The following PGR variants were observed in gnomAD, a reference collection of about 807,000 sequenced individuals.
The protein encoded by PGR is nuclear receptor subfamily 3 group C member 3.
PGR carries 25 observed loss-of-function variants against 76.1 expected under a neutral mutation model. The observed-to-expected ratio is 0.33, with a 90% CI of 0.24 to 0.46. The LOEUF is 0.46. Among genes scored for constraint, PGR ranks in the 20% least tolerant of loss-of-function variants. PGR has a pLI of 1.00. For synonymous variants in PGR, 579 were observed against 535.0 expected (o/e 1.08, Z -1.14); for missense variants, 1,172 against 1,225.3 (o/e 0.96, Z 0.65).
At chr11:101,114,453 C>G (rs1171463543) in intron 2 of PGR, among the ~76,000 whole-genome samples, 1 of 152,172 alleles carries the variant, frequency 6.6e-6, no homozygotes, top group East Asian at 1.9e-4. Flanking sequence ...TTTCAATATC[C>G]TGCTGAGGAC....
intron 2 of PGR, among the ~76,000 whole-genome samples, chr11:101,101,387 A>ATAAT (rs1861992844): frequency 6.6e-6 from 1 of 152,236 alleles, no homozygotes; most frequent in South Asian, 2.1e-4. Flanking sequence ...TTAAAAGTAA[A>ATAAT]TAATAAGTAT....
At chr11:101,045,346 C>A (rs1423606295) in intron 6 of PGR, among the ~76,000 whole-genome samples, 1 of 152,034 alleles carries the variant, frequency 6.6e-6, no homozygotes, top group Non-Finnish European at 1.5e-5. Flanking sequence ...ACCATCTGTG[C>A]AGTTTTGTTA....
chr11:101,042,348 T>G (rs1859719402), intron 6 of PGR, among the ~76,000 whole-genome samples: 1 of 152,192 alleles, frequency 6.6e-6, no homozygotes, highest in Non-Finnish European at 1.5e-5. Flanking sequence ...TGACCTATTT[T>G]AGACCTGTAT....
At chr11:101,102,496 C>T (rs1862024640) in intron 2 of PGR, among the ~76,000 whole-genome samples, 1 of 152,090 alleles carries the variant, frequency 6.6e-6, no homozygotes. Context: ...AAGGTTCAGA[C>T]CAGTTTTTCA....
chr11:101,067,131 T>A (rs1221166126), intron 3 of PGR, among the ~76,000 whole-genome samples: 1 of 152,160 alleles, frequency 6.6e-6, no homozygotes, highest in Admixed American at 6.6e-5. Context: ...CCTTGAAGTG[T>A]GTTTCTGCCT....
chr11:101,074,209 G>A (rs970159292), intron 3 of PGR, among the ~76,000 whole-genome samples: 7 of 152,066 alleles, frequency 4.6e-5, no homozygotes, highest in African/African-American at 1.7e-4. Flanking sequence ...CACATAAACA[G>A]AACCAATGAC....
chr11:101,051,130 C>G (rs1860074095), intron 5 of PGR, among the ~76,000 whole-genome samples: 1 of 151,844 alleles, frequency 6.6e-6, no homozygotes, highest in African/African-American at 2.4e-5. Context: ...AAATATTTCT[C>G]ATTTATTATT....
At chr11:101,112,709 C>T (rs1317550358) in intron 2 of PGR, among the ~76,000 whole-genome samples, 3 of 152,000 alleles carry the variant, frequency 2.0e-5, no homozygotes, top group Admixed American at 2.0e-4. Context: ...TTCCACATAC[C>T]AGTTATGAAA....
At chr11:101,077,141 T>C (rs946561069) in intron 3 of PGR, among the ~76,000 whole-genome samples, 1 of 152,128 alleles carries the variant, frequency 6.6e-6, no homozygotes, top group African/African-American at 2.4e-5. Flanking sequence ...TCTTTTATTA[T>C]ATCAGAAGTC....
intron 6 of PGR, among the ~76,000 whole-genome samples, chr11:101,047,887 T>C (rs1859946864): frequency 6.6e-6 from 1 of 152,138 alleles, no homozygotes; most frequent in Admixed American, 6.6e-5. Context: ...GAACGGATAT[T>C]TGCCTGTCCT....
At chr11:101,046,286 T>A (rs908486508) in intron 6 of PGR, among the ~76,000 whole-genome samples, 1 of 132,650 alleles carries the variant, frequency 7.5e-6, no homozygotes, top group Non-Finnish European at 1.6e-5. Context: ...CCACTACGCC[T>A]GGCTAATTTT....
chr11:101,082,876 A>C (rs1434189627), intron 3 of PGR, among the ~76,000 whole-genome samples: 1 of 152,210 alleles, frequency 6.6e-6, no homozygotes, highest in African/African-American at 2.4e-5. Context: ...GAGACAAAAA[A>C]ACATTTCCTG....
chr11:101,092,018 T>C (rs1452137834), intron 2 of PGR, 142 bp from the exon 3 acceptor site: 18 of 675,740 alleles, frequency 2.7e-5, no homozygotes, highest in Non-Finnish European at 3.8e-5. Flanking sequence ...CAGCTGAATG[T>C]TGGTGAAGCT....
In PGR at chr11:101,033,139, A is replaced by C. The variant is rs939775283; in HGVS notation, c.*5977T>G. 2.4e-5 allele frequency: 5 copies of C among 208,690 alleles called. No homozygotes were observed. Among genetic ancestry groups the C allele is most frequent in the African/African-American group, 1.1e-4 (5 of 44,054 alleles). 12.9% of individuals were successfully genotyped at this position (208,690 alleles called of 1,614,324 possible). A position where few individuals can be genotyped will look rare whatever the true frequency, so the allele number is the denominator to read the frequency against. On this transcript the variant is annotated 3_prime_UTR_variant, in exon 8 of 8. Transcript: ENST00000325455. ...ACTCAGAAAAGTTAAAATACACAGA[A>C]TACTAAGATCAAAAGGAGATACTTT... is the stretch of plus-strand genomic sequence containing the variant.
intron 7 of PGR, 149 bp downstream of exon 7, chr11:101,041,796 A>C (rs572580): frequency 0.25 from 165,596 of 669,608 alleles, 21,796 homozygotes; most frequent in African/African-American, 0.39. Flanking sequence ...AAACACAATA[A>C]AAAGTCTGAG....
intron 6 of PGR, among the ~76,000 whole-genome samples, chr11:101,045,655 C>G (rs565626274): frequency 6.9e-6 from 1 of 145,666 alleles, no homozygotes; most frequent in South Asian, 2.2e-4. Context: ...TTGCTGAATA[C>G]TATTCCATTT....
chr11:101,087,319 T>C (rs1861530240), intron 3 of PGR, among the ~76,000 whole-genome samples: 1 of 151,994 alleles, frequency 6.6e-6, no homozygotes, highest in Non-Finnish European at 1.5e-5. Context: ...TTGACAAAAA[T>C]AAGCAATGCA....
intron 2 of PGR, among the ~76,000 whole-genome samples, chr11:101,125,061 A>G (rs189394315): frequency 3.9e-5 from 6 of 152,248 alleles, no homozygotes; most frequent in African/African-American, 1.4e-4. Flanking sequence ...CAAAAAGCCA[A>G]CATTCAGATC....
intron 3 of PGR, among the ~76,000 whole-genome samples, chr11:101,082,087 A>G (rs1370946660): frequency 6.6e-6 from 1 of 151,944 alleles, no homozygotes; most frequent in Non-Finnish European, 1.5e-5. Context: ...AGCTCTCAGG[A>G]GATATGATGG....
Sources: allele counts gnomAD v4.1 joint callset (sites outside exome capture counted in the v4.1 genomes callset), GRCh38; gene constraint gnomAD v4.1.1; transcripts MANE v1.5; gene names NCBI Gene and HGNC (gene_info 2026-07-23, HGNC 2026-07-21).